Variants in PARP6 observed in about 807,000 individuals in gnomAD.
PARP6 encodes poly(ADP-ribose) polymerase family member 6, also known as protein mono-ADP-ribosyltransferase PARP6.
PARP6 carries 27 observed loss-of-function variants against 92.0 expected under a neutral mutation model. That is an observed-to-expected ratio of 0.29 (90% CI 0.22 to 0.40). The LOEUF (loss-of-function observed/expected upper bound fraction) is 0.40. Among genes scored for constraint, PARP6 ranks in the 10% least tolerant of loss-of-function variants. The pLI is 1.00. For missense variants in PARP6, 501 were observed against 784.5 expected (o/e 0.64, Z 4.32); for synonymous variants, 272 against 281.2 (o/e 0.97, Z 0.33).
intron 15 of PARP6, chr15:72,254,174 T>G (rs2084747179): frequency 2.0e-6 from 1 of 488,982 alleles, no homozygotes; most frequent in Non-Finnish European, 3.8e-6. Flanking sequence ...CTTCACTTCT[T>G]AACTCCCTAA....
chr15:72,266,072 A>C (rs2086554794), intron 4 of PARP6, 81 bp from the exon 5 acceptor site: 1 of 966,216 alleles, frequency 1.0e-6, no homozygotes, highest in Admixed American at 1.9e-5. Context: ...GAATATGAAA[A>C]GACACCAGGA....
chr15:72,267,181 C>G (rs1273316112), intron 3 of PARP6: 1 of 537,196 alleles, frequency 1.9e-6, no homozygotes, highest in Non-Finnish European at 3.3e-6. Flanking sequence ...ACAAGCTGGC[C>G]TCTTCCAGGA....
chr15:72,257,980 G>A, intron 12 of PARP6, 57 bp downstream of exon 12: 1 of 1,159,328 alleles, frequency 8.6e-7, no homozygotes, highest in Non-Finnish European at 1.3e-6. Flanking sequence ...AGGAAATAAA[G>A]GAGAGGAGTG....
intron 12 of PARP6, 83 bp from the exon 13 acceptor site, chr15:72,257,523 C>A (rs2085297283): frequency 1.8e-6 from 2 of 1,090,842 alleles, no homozygotes; most frequent in South Asian, 1.3e-5. Flanking sequence ...TAACCTCAGA[C>A]AACTCTAAAA....
Position 72,265,485 on chromosome 15 carries a change from C to G in PARP6, c.177-12G>C, listed in dbSNP as rs1311873559. On this transcript the variant is annotated splice_polypyrimidine_tract_variant and intron_variant, in intron 5 of 23. Transcript: ENST00000569795. ...TAGTTCCATATTCTCTATAGAGATA[C>G]AGGTGACAACAGGTGAGACTCATTA... is the stretch of plus-strand genomic sequence containing the variant. The G allele has an allele frequency of 6.3e-7, 1 of 1,587,634 alleles. No individual in the cohort carries two copies. Among genetic ancestry groups the G allele is most frequent in the Non-Finnish European group, 8.7e-7 (1 of 1,155,990 alleles).
rs2083168682 is a variant in PARP6 at position 72,242,493 on chromosome 15, AC to A, written c.1641+126del. 1.4e-6 allele frequency: 1 copy of A among 731,122 alleles called. No homozygotes were observed. The highest frequency in any genetic ancestry group is 1.7e-5 in the African/African-American group (1 of 58,264). 45.3% of individuals were successfully genotyped at this position (731,122 alleles called of 1,614,324 possible). A position where few individuals can be genotyped will look rare whatever the true frequency, so the allele number is the denominator to read the frequency against. Reference sequence around the variant, plus strand: ...CAGACGTGTGTTCACTTTAGAACATACCTGACTCCTTTAAATGATCTCAAAT... The same window carrying A: ...CAGACGTGTGTTCACTTTAGAACATACTGACTCCTTTAAATGATCTCAAAT... On this transcript the variant is annotated intron_variant, in intron 21 of 23. Transcript: ENST00000569795. The surrounding 1 kb of genome is among the most constrained non-coding windows in gnomAD (Gnocchi z 4.3).
In PARP6 at chr15:72,265,140, C is replaced by G. The variant is rs377347451; in HGVS notation, c.269G>C (p.Arg90Pro). 1.9e-6 allele frequency: 3 copies of G among 1,613,292 alleles called. No homozygotes were observed. Among genetic ancestry groups the G allele is most frequent in the Admixed American group, 1.7e-5 (1 of 59,990 alleles). The change falls in exon 7 of 24, where the codon CGG (arginine) becomes CCG (proline). Residue 90 changes from arginine to proline, a missense_variant. Arg to Pro is a moderately radical substitution (Grantham distance 103, BLOSUM62 -2). Coordinates refer to ENST00000569795, the MANE Select transcript of PARP6 (RefSeq NM_001323532.2). ...EEVSTAWKVL[R>P]TEPIVLRLRF... ...CAGCCTCAACACAATAGGTTCTGTC[C>G]GGAGGACCTTCCAGGCTGTAGAGAC...
intron 2 of PARP6, among the ~76,000 whole-genome samples, chr15:72,270,432 T>C (rs945270901): frequency 1.3e-5 from 2 of 151,978 alleles, no homozygotes; most frequent in African/African-American, 4.8e-5. Flanking sequence ...AAAAAAAAAA[T>C]CAGAAGCTAC....
At chr15:72,267,387 G>A in intron 3 of PARP6, 88 bp downstream of exon 3, 5 of 1,431,664 alleles carry the variant, frequency 3.5e-6, no homozygotes, top group Non-Finnish European at 3.9e-6. Context: ...AAGGGTAGAA[G>A]GGAAAATACC....
intron 8 of PARP6, among the ~76,000 whole-genome samples, chr15:72,262,874 G>A (rs1002354182): frequency 6.6e-6 from 1 of 152,114 alleles, no homozygotes; most frequent in Non-Finnish European, 1.5e-5. Flanking sequence ...GTGTTTAAGG[G>A]TATTTTGTCC....
intron 13 of PARP6, 92 bp from the exon 14 acceptor site, chr15:72,256,682 T>A: frequency 9.0e-7 from 1 of 1,113,602 alleles, no homozygotes; most frequent in Non-Finnish European, 1.2e-6. Flanking sequence ...GATGTTCTTT[T>A]AAAAAGCAAA....
Position 72,260,659 on chromosome 15 carries a change from G to A in PARP6, c.575C>T (p.Ser192Phe). The A allele has an allele frequency of 6.2e-7, 1 of 1,614,080 alleles. No homozygotes were observed. The highest frequency in any genetic ancestry group is 1.3e-5 in the African/African-American group (1 of 75,054). ...KSPSFPIIQD[S>F]MLKGKLGVPE... Reference sequence around the variant, plus strand: ...TACACCTAGTTTGCCTTTCAGCATGGAGTCCTGTATGATAGGGAAACTGGG... The same window carrying A: ...TACACCTAGTTTGCCTTTCAGCATGAAGTCCTGTATGATAGGGAAACTGGG... Residue 192 changes from serine (S) to phenylalanine (F), a missense_variant, in exon 10 of 24, where the codon TCC becomes TTC. Physicochemically the swap from Ser to Phe is radical, Grantham distance 155 (BLOSUM62 -2). Around this residue, in one of 4 missense-constraint regions of PARP6, gnomAD observed 291 missense variants for 352.0 expected, o/e 0.83. Coordinates refer to ENST00000569795, the MANE Select transcript of PARP6 (RefSeq NM_001323532.2).
intron 2 of PARP6, among the ~76,000 whole-genome samples, chr15:72,269,264 A>G (rs1476482556): frequency 3.3e-5 from 5 of 151,950 alleles, no homozygotes; most frequent in African/African-American, 1.2e-4. Context: ...GGGTTCAAGC[A>G]ATTCTCCTGT....
chr15:72,257,953 C>T (rs2085343591), intron 12 of PARP6, 84 bp downstream of exon 12: 1 of 999,274 alleles, frequency 1.0e-6, no homozygotes, highest in Non-Finnish European at 1.6e-6. Context: ...TTTACCTTGA[C>T]CACAGACCAA....
chr15:72,249,152 T>G, intron 20 of PARP6, 93 bp downstream of exon 20: 1 of 653,218 alleles, frequency 1.5e-6, no homozygotes, highest in South Asian at 2.1e-5. Flanking sequence ...AGACCAAGTA[T>G]CCATAATGAG....
At chr15:72,260,392 C>G (rs878929247) in intron 10 of PARP6, 86 bp downstream of exon 10, 2 of 1,083,266 alleles carry the variant, frequency 1.8e-6, no homozygotes, top group African/African-American at 3.1e-5. Context: ...ACAACCATAT[C>G]CCCACCCCAT....
intron 14 of PARP6, among the ~76,000 whole-genome samples, chr15:72,255,090 G>A (rs1355503324): frequency 6.6e-6 from 1 of 151,456 alleles, no homozygotes; most frequent in African/African-American, 2.4e-5. Context: ...GCCCCACCCC[G>A]CCATGAGTTT....
chr15:72,260,741 C>T, intron 9 of PARP6, 53 bp from the exon 10 acceptor site: 1 of 1,342,792 alleles, frequency 7.4e-7, no homozygotes, highest in Non-Finnish European at 1.1e-6. Context: ...CATAGGATCC[C>T]TGGAGGGGAC....
At chr15:72,256,957 A>G (rs1350473221) in intron 13 of PARP6, among the ~76,000 whole-genome samples, 3 of 152,136 alleles carry the variant, frequency 2.0e-5, no homozygotes, top group Non-Finnish European at 4.4e-5. Context: ...GGCCCACTGC[A>G]GCCTCGACCT....
Sources: allele counts gnomAD v4.1 joint callset (sites outside exome capture counted in the v4.1 genomes callset), GRCh38; gene constraint gnomAD v4.1.1; regional missense constraint gnomAD v4.1.1; non-coding constraint Gnocchi (gnomAD v3.1); transcripts MANE v1.5; gene names NCBI Gene and HGNC (gene_info 2026-07-23, HGNC 2026-07-21).